Variants in SPIDR observed in about 807,000 individuals in gnomAD.
SPIDR encodes DNA repair-scaffolding protein.
Under a neutral mutation model 104.6 loss-of-function variants are expected in SPIDR, and 93 were observed. The observed-to-expected ratio is 0.89, with a 90% CI of 0.75 to 1.06. The LOEUF is 1.06. SPIDR is among the 50% of genes least tolerant of loss of function. SPIDR has a pLI of 0.00. For missense variants in SPIDR, 1,154 were observed against 1,111.2 expected, an observed-to-expected ratio of 1.04 and a Z score of -0.55; for synonymous variants, 431 against 416.9, an observed-to-expected ratio of 1.03 and a Z score of -0.41.
At chr8:47,564,072 CTTTTTTTT>C (rs869220760) in intron 8 of SPIDR, among the ~76,000 whole-genome samples, 2 of 76,834 alleles carry the variant, frequency 2.6e-5, no homozygotes, top group South Asian at 5.5e-4. Context: ...TTTTTCTTTT[CTTTTTTTT>C]TTTTTTTTTT....
intron 9 of SPIDR, 112 bp downstream of exon 9, chr8:47,596,118 C>T: frequency 3.3e-6 from 3 of 907,596 alleles, no homozygotes; most frequent in Non-Finnish European, 5.0e-6. Flanking sequence ...TCCAAAAACC[C>T]CACCACAAGG....
At chr8:47,429,499 G>A (rs891422558) in intron 7 of SPIDR, among the ~76,000 whole-genome samples, 1 of 152,210 alleles carries the variant, frequency 6.6e-6, no homozygotes, top group Non-Finnish European at 1.5e-5. Flanking sequence ...CCAGTATCCT[G>A]TAGTTAATAC....
intron 10 of SPIDR, among the ~76,000 whole-genome samples, chr8:47,661,902 A>AT (rs1230742853): frequency 6.6e-6 from 1 of 152,190 alleles, no homozygotes; most frequent in Non-Finnish European, 1.5e-5. Flanking sequence ...TTTGAGTCAC[A>AT]TTCTCCATAG....
At position 47,411,400 on chromosome 8, in the gene SPIDR, C is replaced by T. The variant is rs2063507396; in HGVS notation, c.877+3439C>T. Among the ~76,000 whole-genome samples the T allele has an allele frequency of 3.9e-5, 6 of 152,326 alleles. No homozygotes were observed. The South Asian group carries it at 1.0e-3, about 26-fold the overall frequency. ...CATTGTGGTTTCGATTTGCATTTCT[C>T]TGATGGCCAGTGATGGTGAGCATTT... On this transcript the variant is annotated intron_variant, in intron 7 of 19. Transcript: ENST00000297423.
chr8:47,452,082 A>C (rs781853879), intron 8 of SPIDR, among the ~76,000 whole-genome samples: 1 of 152,200 alleles, frequency 6.6e-6, no homozygotes, highest in African/African-American at 2.4e-5. Flanking sequence ...TACTTCAAGC[A>C]TAATAAAGTC....
At chr8:47,540,134 G>A (rs531981260) in intron 8 of SPIDR, among the ~76,000 whole-genome samples, 1 of 152,254 alleles carries the variant, frequency 6.6e-6, no homozygotes, top group African/African-American at 2.4e-5. Flanking sequence ...GACAAGGTTT[G>A]AATCCTAAAC....
rs898501499 is a variant in SPIDR, at chr8:47,701,753, T to A, written c.1806T>A (p.Cys602Ter). Residue 602 changes from cysteine (C) to a stop codon, truncating the protein, a stop_gained, in exon 13 of 20, where the codon TGT becomes TGA. Coordinates refer to ENST00000297423, the MANE Select transcript of SPIDR (RefSeq NM_001080394.4). LOFTEE classifies it high-confidence loss of function. ...CTCATCTGCCTCCTCCAGCCTTGTG[T>A]TACATCCTCACAGCTCATCCAAATC... Reference protein sequence around the residue: ...IKTHLPPPALCYILTAHPNLG... With the variant: ...IKTHLPPPAL 9 of 1,614,026 alleles carry A rather than the reference T, an allele frequency of 5.6e-6. No homozygotes were observed. The highest frequency in any genetic ancestry group is 7.6e-6 in the Non-Finnish European group (9 of 1,180,024).
intron 8 of SPIDR, among the ~76,000 whole-genome samples, chr8:47,524,622 G>A (rs546285369): frequency 3.3e-5 from 5 of 152,300 alleles, no homozygotes; most frequent in African/African-American, 7.2e-5. Context: ...CACGTCTTGC[G>A]GGTGCCTGGG....
chr8:47,500,487 GTTGT>G (rs1385501211), intron 8 of SPIDR, among the ~76,000 whole-genome samples: 3 of 152,128 alleles, frequency 2.0e-5, no homozygotes, highest in African/African-American at 7.2e-5. Context: ...TGTTGATAGG[GTTGT>G]TTGTTTTTTT....
intron 11 of SPIDR, among the ~76,000 whole-genome samples, chr8:47,694,659 T>C (rs930663316): frequency 2.4e-4 from 37 of 152,042 alleles, no homozygotes; most frequent in African/African-American, 8.9e-4. Flanking sequence ...TAGTCCCAGC[T>C]ACTTGGGAGG....
intron 10 of SPIDR, among the ~76,000 whole-genome samples, chr8:47,668,491 T>C (rs1225707500): frequency 6.6e-6 from 1 of 151,710 alleles, no homozygotes; most frequent in Admixed American, 6.6e-5. Context: ...AAAAATTCCT[T>C]GACAAACTAG....
intron 8 of SPIDR, among the ~76,000 whole-genome samples, chr8:47,594,253 T>C (rs1288118473): frequency 6.8e-6 from 1 of 146,214 alleles, no homozygotes; most frequent in Non-Finnish European, 1.5e-5. Flanking sequence ...TGGGCGCCTG[T>C]AGTCCCAGCT....
intron 5 of SPIDR, among the ~76,000 whole-genome samples, chr8:47,309,463 C>G (rs587698172): frequency 2.0e-5 from 3 of 152,284 alleles, no homozygotes; most frequent in African/African-American, 7.2e-5. Flanking sequence ...TCAATTGTTG[C>G]ATCTGTGCCA....
chr8:47,596,660 A>AT (rs1241254408), intron 9 of SPIDR, among the ~76,000 whole-genome samples: 3 of 151,908 alleles, frequency 2.0e-5, no homozygotes, highest in African/African-American at 7.3e-5. Flanking sequence ...ACTAAATTAA[A>AT]TTTTTTTCTT....
chr8:47,440,534 C>G lies in SPIDR; in HGVS notation c.1089C>G (p.Phe363Leu), dbSNP rs934941374. 3.1e-6 allele frequency: 5 copies of G among 1,613,642 alleles called. No individual in the cohort carries two copies. In the African/African-American group the frequency reaches 4.0e-5, roughly 13 times the overall value. The change falls in exon 8 of 20, where the codon TTC becomes TTG. Residue 363 changes from phenylalanine to leucine, a missense_variant. Transcript: ENST00000297423. Reference protein sequence around the residue: ...RGRPQDTVRIFPPWQKLIIPS... With the variant: ...RGRPQDTVRILPPWQKLIIPS... ...GTCCCCAGGACACTGTCCGGATCTT[C>G]CCTCCCTGGTGAGTGCGCAGAACTT...
chr8:47,395,150 A>C (rs1270989875), intron 5 of SPIDR, among the ~76,000 whole-genome samples: 1 of 151,986 alleles, frequency 6.6e-6, no homozygotes, highest in Non-Finnish European at 1.5e-5. Flanking sequence ...GGAGTTCGAG[A>C]CCAGCCTGGC....
At chr8:47,373,797 C>T (rs1015676732) in intron 5 of SPIDR, among the ~76,000 whole-genome samples, 1 of 152,018 alleles carries the variant, frequency 6.6e-6, no homozygotes, top group South Asian at 2.1e-4. Context: ...TTTAAAATTC[C>T]AAATTAAAAA....
intron 8 of SPIDR, among the ~76,000 whole-genome samples, chr8:47,488,326 C>T (rs1054342139): frequency 2.0e-5 from 3 of 152,140 alleles, no homozygotes; most frequent in African/African-American, 4.8e-5. Context: ...CCTGAATAGA[C>T]CAATAACAGG....
chr8:47,520,077 G>T (rs191598093), intron 8 of SPIDR, among the ~76,000 whole-genome samples: 1 of 152,156 alleles, frequency 6.6e-6, no homozygotes, highest in Non-Finnish European at 1.5e-5. Context: ...GCCTGAACTT[G>T]ACTATAGATA....
Sources: allele counts gnomAD v4.1 joint callset (sites outside exome capture counted in the v4.1 genomes callset), GRCh38; gene constraint gnomAD v4.1.1; transcripts MANE v1.5; gene names NCBI Gene and HGNC (gene_info 2026-07-23, HGNC 2026-07-21).